The following EVC2 variants were observed in gnomAD, a reference collection of about 807,000 sequenced individuals.
The protein encoded by EVC2 is limbin.
In EVC2, 148 loss-of-function variants were observed where a neutral mutation model predicts 149.3. That is an observed-to-expected ratio of 0.99 (90% CI 0.87 to 1.14). The LOEUF is 1.14. Ranked by LOEUF, EVC2 falls within the 50% of genes most tolerant of loss-of-function variation. The pLI, the probability that EVC2 is intolerant of heterozygous loss-of-function variation, is 0.00. For synonymous variants in EVC2, 776 were observed against 649.9 expected, an observed-to-expected ratio of 1.19 and a Z score of -2.95; for missense variants, 1,854 against 1,627.3, an observed-to-expected ratio of 1.14 and a Z score of -2.40.
chr4:5,641,046 A>C (rs1717293227), intron 9 of EVC2, among the ~76,000 whole-genome samples: 1 of 152,216 alleles, frequency 6.6e-6, no homozygotes, highest in Admixed American at 6.5e-5. Flanking sequence ...GTACCATGTG[A>C]TGTACAAAAA....
At chr4:5,536,512 C>T in the EVC2 span, among the ~76,000 whole-genome samples, 24 of 152,164 alleles carry the variant, frequency 1.6e-4, no homozygotes, top group Middle Eastern at 3.4e-3. Flanking sequence ...TGGCTGGGCG[C>T]GGTGGCTCAC....
chr4:5,595,802 G>A (rs1030107738), intron 16 of EVC2, among the ~76,000 whole-genome samples: 4 of 152,210 alleles, frequency 2.6e-5, no homozygotes, highest in Non-Finnish European at 4.4e-5. Context: ...AGACCCATCT[G>A]TGTGCTGTAT....
chr4:5,594,854 C>A (rs1368632998), intron 16 of EVC2, among the ~76,000 whole-genome samples: 1 of 152,028 alleles, frequency 6.6e-6, no homozygotes, highest in Non-Finnish European at 1.5e-5. Context: ...ACTAGAATAA[C>A]CAATAGAGAA....
At chr4:5,691,702 C>A (rs1461220869) in intron 3 of EVC2, among the ~76,000 whole-genome samples, 1 of 152,140 alleles carries the variant, frequency 6.6e-6, no homozygotes, top group Admixed American at 6.5e-5. Context: ...GACAGTACAC[C>A]TGTGCACCAT....
At chr4:5,660,790 C>T (rs570930884) in intron 9 of EVC2, among the ~76,000 whole-genome samples, 2 of 152,280 alleles carry the variant, frequency 1.3e-5, no homozygotes, top group East Asian at 1.9e-4. Context: ...CAGAGAATGT[C>T]TGTAAAATAT....
Position 5,663,088 on chromosome 4 carries a change from T to C in EVC2, c.1145+19A>G, listed in dbSNP as rs1560206472. On this transcript the variant is annotated intron_variant, in intron 9 of 21. Transcript: ENST00000344408. ...ATTCATCACATGTGTGTAAGTATAA[T>C]GGGATTTAGAATTCTTACTCTTCTA... The C allele has an allele frequency of 2.5e-6, 4 of 1,613,782 alleles. No individual in the cohort carries two copies. The highest frequency in any genetic ancestry group is 1.7e-4 in the Middle Eastern group (1 of 6,060).
rs1722530838 is a variant in EVC2, at chr4:5,569,681, G to C, written c.3361-1041C>G. On this transcript the variant is annotated intron_variant, in intron 19 of 21. Transcript: ENST00000344408. The surrounding 1 kb of genome is among the most constrained non-coding windows in gnomAD (Gnocchi z 4.8). The stretch of plus-strand genomic sequence containing the variant: ...TGGGAGGGAACAAGTCCAGGTGCCG[G>C]AAGCCAAGGAGAGAACGTGTTCAGA... Among the ~76,000 whole-genome samples the C allele has an allele frequency of 6.6e-6, 1 of 151,980 alleles. No homozygotes were observed. Among genetic ancestry groups the C allele is most frequent in the Non-Finnish European group, 1.5e-5 (1 of 67,988 alleles).
At chr4:5,616,108 A>T (rs1715228228) in intron 15 of EVC2, among the ~76,000 whole-genome samples, 1 of 152,164 alleles carries the variant, frequency 6.6e-6, no homozygotes, top group Non-Finnish European at 1.5e-5. Context: ...CCAGGCAGTG[A>T]TGTCAAGCCG....
At chr4:5,595,101 G>A (rs539930006) in intron 16 of EVC2, among the ~76,000 whole-genome samples, 31 of 152,300 alleles carry the variant, frequency 2.0e-4, no homozygotes, top group African/African-American at 6.3e-4. Flanking sequence ...ATTGGTGTAC[G>A]TGAACATGAC....
In EVC2 at chr4:5,686,386, T is replaced by C. The variant is rs985337963; in HGVS notation, c.707-907A>G. Among the ~76,000 whole-genome samples the C allele has an allele frequency of 5.9e-5, 9 of 152,182 alleles. No individual in the cohort carries two copies. Among genetic ancestry groups the C allele is most frequent in the Middle Eastern group, 6.8e-3 (2 of 294 alleles). On this transcript the variant is annotated intron_variant, in intron 5 of 21. Coordinates refer to ENST00000344408, the MANE Select transcript of EVC2 (RefSeq NM_147127.5). This position sits in a 1 kb window ranked among gnomAD's most constrained non-coding sequence, Gnocchi z 5.4. ...ATTTTTATATAACCTAGAGCTAAGA[T>C]AATGAACGTAAAGTGATAAAGATAA...
chr4:5,685,320 A>G, intron 6 of EVC2, 50 bp downstream of exon 6: 1 of 1,556,576 alleles, frequency 6.4e-7, no homozygotes, highest in Non-Finnish European at 8.9e-7. Context: ...TTTCTAAAAC[A>G]ACCTCTCTTG....
Position 5,655,457 on chromosome 4 carries a change from CCT to C in EVC2, c.1145+7648_1145+7649del, listed in dbSNP as rs1577213697. ...CTAAGGCCTCTTCCCCGCTACCACC[CCT>C]GTGTCCAGCCTCCTGCAGTCTCTCC... On this transcript the variant is annotated intron_variant, in intron 9 of 21. Coordinates refer to ENST00000344408, the MANE Select transcript of EVC2 (RefSeq NM_147127.5). Among the ~76,000 whole-genome samples the C allele has an allele frequency of 3.3e-5, 5 of 152,142 alleles. No homozygotes were observed. In the South Asian group the frequency reaches 6.2e-4, roughly 19 times the overall value.
chr4:5,549,001 C>T (rs1336179437), intron 21 of EVC2, among the ~76,000 whole-genome samples: 1 of 141,524 alleles, frequency 7.1e-6, no homozygotes, highest in Admixed American at 7.0e-5. Context: ...TCCCTCCCTC[C>T]CTCCCTCCCT....
chr4:5,574,734 T>C lies in EVC2; in HGVS notation c.3311A>G (p.Asp1104Gly). 6.2e-7 allele frequency: 1 copy of C among 1,614,196 alleles called. No individual in the cohort carries two copies. ...GTCTGCCTCCATGTTTTCCAACAAG[T>C]CTTCTAGCACGACACTGTTCTGTTG... Reference protein sequence around the residue: ...EEQQNSVVLEDLLENMEADTF... With the variant: ...EEQQNSVVLEGLLENMEADTF... The change falls in exon 19 of 22, where the codon GAC (aspartate) becomes GGC (glycine). Residue 1104 changes from aspartate (D) to glycine (G), a missense_variant. Asp to Gly is a moderately conservative substitution (Grantham distance 94). Coordinates refer to ENST00000344408, the MANE Select transcript of EVC2 (RefSeq NM_147127.5).
At position 5,580,376 on chromosome 4, in the gene EVC2, G is replaced by A. The variant is rs567001493; in HGVS notation, c.3058-3922C>T. Among the ~76,000 whole-genome samples, 4 of 152,280 alleles carry A rather than the reference G, an allele frequency of 2.6e-5. No homozygotes were observed. The South Asian group carries it at 6.2e-4, about 24-fold the overall frequency. On this transcript the variant is annotated intron_variant, in intron 17 of 21. Coordinates refer to ENST00000344408, the MANE Select transcript of EVC2 (RefSeq NM_147127.5). ...CCCACTCAGGACACATTAACTCTCT[G>A]TTCTAAACAAACTAGAGGTAGGAGT...
chr4:5,662,407 TA>T (rs148664627), intron 9 of EVC2, among the ~76,000 whole-genome samples: 2 of 147,868 alleles, frequency 1.4e-5, no homozygotes, highest in African/African-American at 5.0e-5. Flanking sequence ...TAAAAATAAA[TA>T]AAAAAATTGT....
chr4:5,685,545 C>T, intron 5 of EVC2, 66 bp from the exon 6 acceptor site: 1 of 1,310,722 alleles, frequency 7.6e-7, no homozygotes, highest in Admixed American at 1.8e-5. Context: ...CACCCCACCA[C>T]ACCCCAGACA....
intron 21 of EVC2, among the ~76,000 whole-genome samples, chr4:5,563,802 T>A (rs1722098100): frequency 6.6e-6 from 1 of 152,114 alleles, no homozygotes; most frequent in Non-Finnish European, 1.5e-5. Flanking sequence ...TGAGTACACC[T>A]ATGAGCCTCA....
In EVC2 at chr4:5,689,197, G is replaced by A. The variant is rs372079686; in HGVS notation, c.666C>T (p.Thr222=). ...LTIWDSVGNR[T]SEGFQAFSKK... ...TGCTAAAAGCCTGGAATCCTTCCGA[G>A]GTCCTGTTTCCCACAGAGTCCCAAA... is the stretch of plus-strand genomic sequence containing the variant. Residue 222 remains threonine, a synonymous_variant, in exon 5 of 22, where the codon ACC becomes ACT. Coordinates refer to ENST00000344408, the MANE Select transcript of EVC2 (RefSeq NM_147127.5). 2 of 1,614,206 alleles carry A rather than the reference G, an allele frequency of 1.2e-6. No homozygotes were observed. The highest frequency in any genetic ancestry group is 1.6e-4 in the Middle Eastern group (1 of 6,062).
Sources: gnomAD v4.1 joint callset for allele counts (sites outside exome capture counted in the v4.1 genomes callset) on GRCh38, gnomAD v4.1.1 for gene constraint, Gnocchi (gnomAD v3.1) non-coding constraint, MANE v1.5 for transcripts, NCBI Gene and HGNC (gene_info 2026-07-23, HGNC 2026-07-21) for gene names.